Variants in BCR observed in about 807,000 individuals in gnomAD.
BCR encodes breakpoint cluster region protein.
A neutral mutation model predicts 138.6 loss-of-function variants in BCR; 58 were observed. The ratio of observed to expected loss-of-function variants is 0.42; its 90% CI spans 0.34 to 0.52. The LOEUF (loss-of-function observed/expected upper bound fraction) is 0.52, where lower values mean the gene tolerates loss of function less well. Among genes scored for constraint, BCR ranks in the 20% least tolerant of loss-of-function variants. The probability of loss-of-function intolerance (pLI) is 0.06; values close to 1 mark genes in which losing one functional copy is unlikely to be tolerated. For missense variants in BCR, 1,599 were observed against 1,727.2 expected (o/e 0.93, Z 1.32); for synonymous variants, 786 against 730.1 (o/e 1.08, Z -1.23).
Position 23,240,109 on chromosome 22 carries a change from A to G in BCR, c.1280-13690A>G, listed in dbSNP as rs764862708. Among the ~76,000 whole-genome samples the G allele has an allele frequency of 5.3e-5, 8 of 151,308 alleles. No individual in the cohort carries two copies. In the South Asian group the frequency reaches 1.3e-3, roughly 24 times the overall value. On this transcript the variant is annotated intron_variant, in intron 1 of 22. Transcript: ENST00000305877. ...CAGGCATGAGCCACCACGCCAGGCC[A>G]CCTCTTTTTTAAAGGACACAGTCAC...
At chr22:23,202,062 T>C (rs2146210418) in intron 1 of BCR, among the ~76,000 whole-genome samples, 1 of 152,362 alleles carries the variant, frequency 6.6e-6, no homozygotes, top group Non-Finnish European at 1.5e-5. Flanking sequence ...TGTGTAAATA[T>C]TATTTTTAAG....
intron 8 of BCR, among the ~76,000 whole-genome samples, chr22:23,274,540 G>A (rs1361512429): frequency 1.3e-5 from 2 of 152,170 alleles, no homozygotes; most frequent in African/African-American, 4.8e-5. Flanking sequence ...CGGCCTCAGG[G>A]GTCTCATGCA....
rs115343566 is a variant in BCR, at chr22:23,281,490, A to G, written c.2116-2487A>G. Among the ~76,000 whole-genome samples the G allele has an allele frequency of 6.1e-3, 936 of 152,280 alleles. 6 individuals carry two copies. Among genetic ancestry groups the G allele is most frequent in the African/African-American group, 0.02 (849 of 41,550 alleles). On this transcript the variant is annotated intron_variant, in intron 8 of 22. Coordinates refer to ENST00000305877, the MANE Select transcript of BCR (RefSeq NM_004327.4). ...AGGCTGCTGAGCGCTTCCGAGAGGG[A>G]CATCTCCTGGGCAGGGAGTGACATA...
In BCR at chr22:23,180,864, GC is replaced by G; in HGVS notation, c.-95del. ...CGCCGCCGCCGCGCGGGCCATGGGG[GC>G]CGCCCGGCGCCCGGGGCCGGGCTGG... On this transcript the variant is annotated 5_prime_UTR_variant, in exon 1 of 23. It introduces an in-frame stop codon into an upstream open reading frame of the 5' UTR. Coordinates refer to ENST00000305877, the MANE Select transcript of BCR (RefSeq NM_004327.4). 1 of 736,678 alleles carries G rather than the reference GC, an allele frequency of 1.4e-6. No homozygotes were observed. Among genetic ancestry groups the G allele is most frequent in the South Asian group, 6.4e-5 (1 of 15,718 alleles). The allele number at this position is 736,678 out of a possible 1,614,324, so 45.6% of individuals were successfully genotyped here. A position where few individuals can be genotyped will look rare whatever the true frequency, so the allele number is the denominator to read the frequency against.
At chr22:23,303,014 C>T (rs1602124708) in intron 16 of BCR, among the ~76,000 whole-genome samples, 2 of 149,032 alleles carry the variant, frequency 1.3e-5, no homozygotes, top group East Asian at 3.9e-4. Flanking sequence ...ACTCAACCGT[C>T]AAGGCTGCAT....
chr22:23,259,240 C>G (rs1355849676), intron 2 of BCR, among the ~76,000 whole-genome samples: 1 of 152,230 alleles, frequency 6.6e-6, no homozygotes, highest in Non-Finnish European at 1.5e-5. Context: ...GTCCTGGAGG[C>G]CTGAAATCCA....
chr22:23,256,242 T>A (rs1200887294), intron 2 of BCR, among the ~76,000 whole-genome samples: 2 of 152,110 alleles, frequency 1.3e-5, no homozygotes, highest in African/African-American at 4.8e-5. Flanking sequence ...ATCCCTCTCC[T>A]CCTGCACGCC....
At chr22:23,314,737 C>T (rs1329403542) in intron 22 of BCR, 23 bp downstream of exon 22, 1 of 1,611,686 alleles carries the variant, frequency 6.2e-7, no homozygotes, top group Non-Finnish European at 8.5e-7. Context: ...AGGCTCCAGC[C>T]CATGCAACCC....
chr22:23,314,517 G>T (rs200782553), intron 21 of BCR, 35 bp from the exon 22 acceptor site: 1 of 1,611,010 alleles, frequency 6.2e-7, no homozygotes, highest in Non-Finnish European at 8.5e-7. Flanking sequence ...TGGGGGTGGC[G>T]TTGAAACAGC....
At chr22:23,245,667 A>G (rs749613970) in intron 1 of BCR, among the ~76,000 whole-genome samples, 1 of 152,178 alleles carries the variant, frequency 6.6e-6, no homozygotes, top group Admixed American at 6.5e-5. Context: ...CATCTCCGAA[A>G]GCACTCACTG....
At chr22:23,230,553 G>A (rs1457389327) in intron 1 of BCR, among the ~76,000 whole-genome samples, 1 of 152,232 alleles carries the variant, frequency 6.6e-6, no homozygotes, top group African/African-American at 2.4e-5. Flanking sequence ...TCCAGGCAAA[G>A]CACCTCTCTC....
chr22:23,315,324 GTC>G, intron 22 of BCR, 107 bp from the exon 23 acceptor site: 1 of 976,500 alleles, frequency 1.0e-6, no homozygotes, highest in African/African-American at 1.6e-5. Context: ...ACCAGCAGGG[GTC>G]CCCAGCACCT....
intron 19 of BCR, 43 bp from the exon 20 acceptor site, chr22:23,312,844 C>T (rs779003732): frequency 5.0e-6 from 8 of 1,595,236 alleles, no homozygotes; most frequent in Admixed American, 3.3e-5. Flanking sequence ...GAGACTCACT[C>T]GGGATCCTCA....
intron 1 of BCR, among the ~76,000 whole-genome samples, chr22:23,189,788 C>T (rs1356663451): frequency 6.6e-6 from 1 of 152,182 alleles, no homozygotes; most frequent in African/African-American, 2.4e-5. Context: ...GCATGAGCCA[C>T]CGCTCCTAGC....
intron 1 of BCR, among the ~76,000 whole-genome samples, chr22:23,185,920 G>A (rs1358396099): frequency 1.3e-5 from 2 of 151,992 alleles, no homozygotes; most frequent in African/African-American, 2.4e-5. Flanking sequence ...TAGTAGAGAC[G>A]GGGTTTCACT....
At chr22:23,223,248 A>C (rs1475763127) in intron 1 of BCR, among the ~76,000 whole-genome samples, 1 of 152,184 alleles carries the variant, frequency 6.6e-6, no homozygotes, top group Non-Finnish European at 1.5e-5. Context: ...TAGCAGTGTG[A>C]CAAGAACTCC....
chr22:23,247,481 C>T (rs2073169714), intron 1 of BCR, among the ~76,000 whole-genome samples: 1 of 152,158 alleles, frequency 6.6e-6, no homozygotes. Context: ...TACAGCCGCT[C>T]TCATTGTTCT....
intron 14 of BCR, chr22:23,290,735 G>A (rs554179335): frequency 3.6e-5 from 13 of 359,122 alleles, no homozygotes; most frequent in South Asian, 5.9e-5. Context: ...CGGGAGTGTG[G>A]GGTCCAAGCC....
intron 16 of BCR, among the ~76,000 whole-genome samples, chr22:23,305,922 T>C (rs1363971905): frequency 2.0e-5 from 3 of 152,108 alleles, no homozygotes; most frequent in African/African-American, 7.2e-5. Flanking sequence ...TGGTCATCTG[T>C]TTTTCCAAAC....
Sources: allele counts gnomAD v4.1 joint callset (sites outside exome capture counted in the v4.1 genomes callset), GRCh38; gene constraint gnomAD v4.1.1; transcripts MANE v1.5; gene names NCBI Gene and HGNC (gene_info 2026-07-23, HGNC 2026-07-21).